The following GPHN variants were observed in gnomAD, a reference collection of about 807,000 sequenced individuals.
GPHN encodes the protein gephyrin.
Under a neutral mutation model 95.5 loss-of-function variants are expected in GPHN, and 17 were observed. That is an observed-to-expected ratio of 0.18 (90% confidence interval 0.12 to 0.27). The LOEUF (loss-of-function observed/expected upper bound fraction) is 0.27. Ranked by LOEUF, GPHN falls within the 10% of genes least tolerant of loss-of-function variation. The pLI is 1.00. For synonymous variants in GPHN, 320 were observed against 322.5 expected, an observed-to-expected ratio of 0.99 and a Z score of 0.08; for missense variants, 660 against 978.1, an observed-to-expected ratio of 0.67 and a Z score of 4.34.
At chr14:67,709,819 T>C in the GPHN span, among the ~76,000 whole-genome samples, 2 of 152,150 alleles carry the variant, frequency 1.3e-5, no homozygotes, top group Non-Finnish European at 1.5e-5. Flanking sequence ...ACAAGTACTT[T>C]AAAAGAGCAT....
intron 12 of GPHN, among the ~76,000 whole-genome samples, chr14:67,089,586 G>C (rs566172432): frequency 2.0e-5 from 3 of 152,210 alleles, no homozygotes; most frequent in African/African-American, 7.2e-5. Flanking sequence ...TTCTTAGTGT[G>C]AAAGTTTTCC....
chr14:67,360,356 C>T, the GPHN span: 10 of 397,240 alleles, frequency 2.5e-5, no homozygotes, highest in East Asian at 1.4e-4. Flanking sequence ...GAAGCGCACG[C>T]TGAGGAGGAT....
intron 9 of GPHN, among the ~76,000 whole-genome samples, chr14:67,023,139 G>A (rs1230242412): frequency 6.6e-6 from 1 of 151,808 alleles, no homozygotes; most frequent in Non-Finnish European, 1.5e-5. Flanking sequence ...TAAGTAACAG[G>A]TTATCAGAAT....
intron 10 of GPHN, among the ~76,000 whole-genome samples, chr14:67,044,071 T>C (rs1332056180): frequency 6.6e-6 from 1 of 152,104 alleles, no homozygotes; most frequent in Non-Finnish European, 1.5e-5. Context: ...AGTGGTGATA[T>C]CCCCCATATC....
At chr14:67,118,603 C>G (rs1233381249) in intron 16 of GPHN, among the ~76,000 whole-genome samples, 1 of 151,998 alleles carries the variant, frequency 6.6e-6, no homozygotes, top group Non-Finnish European at 1.5e-5. Flanking sequence ...TGGCGAGGGC[C>G]TGTAATCCCA....
the GPHN span, among the ~76,000 whole-genome samples, chr14:67,590,918 CA>C: frequency 2.0e-5 from 3 of 152,098 alleles, no homozygotes. Context: ...AGTTGTAAAA[CA>C]GCCCTCAAAC....
chr14:66,796,376 T>C (rs2060157255), intron 3 of GPHN, among the ~76,000 whole-genome samples: 1 of 152,006 alleles, frequency 6.6e-6, no homozygotes, highest in Non-Finnish European at 1.5e-5. Flanking sequence ...AATGCTGCAG[T>C]AGGATTTCTG....
At chr14:67,303,787 A>C in the GPHN span, among the ~76,000 whole-genome samples, 1 of 152,050 alleles carries the variant, frequency 6.6e-6, no homozygotes, top group Admixed American at 6.6e-5. Flanking sequence ...GGAAGGTGGA[A>C]GATGGAATCT....
intron 18 of GPHN, among the ~76,000 whole-genome samples, chr14:67,149,836 A>G (rs2081143875): frequency 6.6e-6 from 1 of 152,218 alleles, no homozygotes; most frequent in South Asian, 2.1e-4. Flanking sequence ...TAGTGTAGCA[A>G]AGATGAATCA....
chr14:66,661,312 C>T (rs1432752322), intron 1 of GPHN, among the ~76,000 whole-genome samples: 1 of 152,180 alleles, frequency 6.6e-6, no homozygotes, highest in Non-Finnish European at 1.5e-5. Flanking sequence ...GCTTGGATAA[C>T]TCAGCCATTC....
chr14:66,669,818 C>T (rs1394815749), intron 1 of GPHN, among the ~76,000 whole-genome samples: 1 of 152,048 alleles, frequency 6.6e-6, no homozygotes, highest in Non-Finnish European at 1.5e-5. Context: ...TTTTTCTTTG[C>T]TGTGACTTTT....
the GPHN span, among the ~76,000 whole-genome samples, chr14:67,657,406 C>T: frequency 6.6e-6 from 1 of 152,136 alleles, no homozygotes; most frequent in African/African-American, 2.4e-5. Flanking sequence ...GGGGCTTGAG[C>T]AAGCTTCCCC....
At chr14:66,903,768 A>C (rs2065234974) in intron 5 of GPHN, among the ~76,000 whole-genome samples, 1 of 152,090 alleles carries the variant, frequency 6.6e-6, no homozygotes, top group African/African-American at 2.4e-5. Flanking sequence ...CTCTGGTAGT[A>C]TCTTTTAATT....
intron 3 of GPHN, among the ~76,000 whole-genome samples, chr14:66,804,964 G>A (rs750131924): frequency 6.6e-6 from 1 of 152,150 alleles, no homozygotes; most frequent in Non-Finnish European, 1.5e-5. Context: ...GTAATGCTCT[G>A]TGTGTCAGGC....
chr14:67,572,323 AG>A, the GPHN span: 1 of 1,486,310 alleles, frequency 6.7e-7, no homozygotes. Flanking sequence ...AGAATGCAGC[AG>A]AGGCTGCTGG....
At chr14:67,566,916 C>T in the GPHN span, among the ~76,000 whole-genome samples, 2 of 152,224 alleles carry the variant, frequency 1.3e-5, no homozygotes, top group South Asian at 2.1e-4. Flanking sequence ...GGAACCTCAG[C>T]TGAACTCTGG....
chr14:67,218,583 C>T, the GPHN span, among the ~76,000 whole-genome samples: 1 of 152,140 alleles, frequency 6.6e-6, no homozygotes, highest in South Asian at 2.1e-4. Context: ...TTTGGCTGGC[C>T]TGGGGGCATG....
At chr14:67,711,527 T>C in the GPHN span, among the ~76,000 whole-genome samples, 3 of 152,256 alleles carry the variant, frequency 2.0e-5, no homozygotes, top group Non-Finnish European at 4.4e-5. Flanking sequence ...CTTTTCTTTT[T>C]CTTTAAGCCA....
At chr14:67,029,042 A>G (rs1468176374) in intron 10 of GPHN, among the ~76,000 whole-genome samples, 1 of 152,182 alleles carries the variant, frequency 6.6e-6, no homozygotes, top group Non-Finnish European at 1.5e-5. Context: ...ATTTTTGTAT[A>G]TAATAAAAGA....
Sources: gnomAD v4.1 joint callset for allele counts (sites outside exome capture counted in the v4.1 genomes callset) on GRCh38, gnomAD v4.1.1 for gene constraint, MANE v1.5 for transcripts, NCBI Gene and HGNC (gene_info 2026-07-23, HGNC 2026-07-21) for gene names.